CSNK1G3: variants seen among roughly 807,000 people sequenced by gnomAD.
The protein encoded by CSNK1G3 is casein kinase 1 gamma 3, also known as casein kinase I isoform gamma-3.
In CSNK1G3, 23 loss-of-function variants were observed where a neutral mutation model predicts 64.3. The observed-to-expected ratio is 0.36, with a 90% CI of 0.26 to 0.51. CSNK1G3 has a LOEUF of 0.51. CSNK1G3 is among the 20% of genes least tolerant of loss of function. The pLI is 0.96. For synonymous variants in CSNK1G3, 158 were observed against 162.2 expected (o/e 0.97, Z 0.20); for missense variants, 357 against 510.5 (o/e 0.70, Z 2.90).
At chr5:123,529,372 C>G (rs1779564742) in intron 1 of CSNK1G3, among the ~76,000 whole-genome samples, 1 of 152,096 alleles carries the variant, frequency 6.6e-6, no homozygotes. Flanking sequence ...AATAAATCAG[C>G]TGTTTTTTTG....
rs572556911 is a variant in CSNK1G3 at position 123,551,490 on chromosome 5, C to T, written c.179-1617C>T. Among the ~76,000 whole-genome samples, 69 of 152,230 alleles carry T rather than the reference C, an allele frequency of 4.5e-4. No individual in the cohort carries two copies. In the South Asian group the frequency reaches 6.2e-3, roughly 14 times the overall value. ...TGCCAACTGTATTGAGTTTATGACACCTATGTTACTTAGCGTTAATATGAA... is the reference window on the plus strand; with the variant it reads ...TGCCAACTGTATTGAGTTTATGACATCTATGTTACTTAGCGTTAATATGAA... On this transcript the variant is annotated intron_variant, in intron 2 of 12. Coordinates refer to ENST00000345990, the Ensembl canonical transcript of CSNK1G3.
intron 1 of CSNK1G3, among the ~76,000 whole-genome samples, chr5:123,534,050 T>C (rs932900975): frequency 4.6e-5 from 7 of 151,978 alleles, no homozygotes; most frequent in African/African-American, 1.7e-4. Flanking sequence ...TGTTTAGAGA[T>C]AGAAAGAACT....
At chr5:123,568,869 C>G (rs116586562) in intron 4 of CSNK1G3, among the ~76,000 whole-genome samples, 1 of 152,108 alleles carries the variant, frequency 6.6e-6, no homozygotes, top group Non-Finnish European at 1.5e-5. Context: ...AACATCATTT[C>G]CATAGTCTAA....
intron 1 of CSNK1G3, among the ~76,000 whole-genome samples, chr5:123,522,855 T>C (rs1778370296): frequency 1.3e-5 from 2 of 152,172 alleles, no homozygotes. Context: ...TTAGCAGTCT[T>C]TGATTAAGTA....
intron 6 of CSNK1G3, among the ~76,000 whole-genome samples, chr5:123,585,638 T>G (rs2150910697): frequency 6.6e-6 from 1 of 152,336 alleles, no homozygotes; most frequent in Admixed American, 6.5e-5. Context: ...ACAATCCAAT[T>G]TTTTAAACAG....
chr5:123,524,364 G>T (rs1309518736), intron 1 of CSNK1G3, among the ~76,000 whole-genome samples: 2 of 152,124 alleles, frequency 1.3e-5, no homozygotes, highest in African/African-American at 4.8e-5. Flanking sequence ...TAGTCCTTGG[G>T]GTTACATAAT....
Position 123,605,221 on chromosome 5 carries a change from A to G in CSNK1G3, c.1194-118A>G, listed in dbSNP as rs930301410. On this transcript the variant is annotated intron_variant, in intron 11 of 12. Transcript: ENST00000345990. Reference sequence around the variant, plus strand: ...GTTTTTTCAAAACATAAATTATAACAACATTGCTTGGAAAAAATTAAGCAT... The same window carrying G: ...GTTTTTTCAAAACATAAATTATAACGACATTGCTTGGAAAAAATTAAGCAT... 2.0e-5 allele frequency: 17 copies of G among 858,926 alleles called. No individual in the cohort carries two copies. The South Asian group carries it at 2.9e-4, about 15-fold the overall frequency. 53.2% of individuals were successfully genotyped at this position (858,926 alleles called of 1,614,324 possible). A position where few individuals can be genotyped will look rare whatever the true frequency, so the allele number is the denominator to read the frequency against.
At chr5:123,520,874 GT>G (rs546566937) in intron 1 of CSNK1G3, among the ~76,000 whole-genome samples, 2,554 of 145,998 alleles carry the variant, frequency 0.017, 38 homozygotes, top group Non-Finnish European at 0.027. Context: ...AAGTGAAAAT[GT>G]TTTTTTTCTT....
chr5:123,540,792 C>G (rs1176213203), intron 1 of CSNK1G3, among the ~76,000 whole-genome samples: 4 of 152,104 alleles, frequency 2.6e-5, no homozygotes. Context: ...GCCACCACGT[C>G]TGGCTAATTT....
chr5:123,594,528 TAGAATC>T, intron 10 of CSNK1G3, among the ~76,000 whole-genome samples: 1 of 152,326 alleles, frequency 6.6e-6, no homozygotes, highest in South Asian at 2.1e-4. Context: ...ATATTATCCT[TAGAATC>T]AGAAATGGGG....
intron 1 of CSNK1G3, among the ~76,000 whole-genome samples, chr5:123,543,445 G>GT (rs1172533326): frequency 6.6e-6 from 1 of 151,970 alleles, no homozygotes; most frequent in Non-Finnish European, 1.5e-5. Context: ...TTTCTGTTCG[G>GT]TTTTTTTAGA....
chr5:123,612,667 A>G (rs1796543149), intron 12 of CSNK1G3, among the ~76,000 whole-genome samples: 1 of 151,922 alleles, frequency 6.6e-6, no homozygotes, highest in Non-Finnish European at 1.5e-5. Flanking sequence ...TAGTAGAGAC[A>G]GGGTTTTACC....
chr5:123,559,765 C>T (rs1402637672), intron 4 of CSNK1G3, among the ~76,000 whole-genome samples: 1 of 146,342 alleles, frequency 6.8e-6, no homozygotes, highest in African/African-American at 2.5e-5. Flanking sequence ...CCTTTGTGAG[C>T]TTTGTAGAAA....
At chr5:123,545,563 A>G in exon 2 of CSNK1G3, 1 of 886,844 alleles carries the variant, frequency 1.1e-6, no homozygotes, top group Non-Finnish European at 1.7e-6. Flanking sequence ...AACATTACCC[A>G]TCTGGTACAG....
At chr5:123,570,986 A>G (rs1787983733) in intron 4 of CSNK1G3, among the ~76,000 whole-genome samples, 1 of 152,218 alleles carries the variant, frequency 6.6e-6, no homozygotes, top group African/African-American at 2.4e-5. Flanking sequence ...TTAGAGTTGG[A>G]ATAAACTTAA....
At chr5:123,536,758 A>C (rs1329339331) in intron 1 of CSNK1G3, among the ~76,000 whole-genome samples, 1 of 152,128 alleles carries the variant, frequency 6.6e-6, no homozygotes, top group East Asian at 1.9e-4. Flanking sequence ...AGAAGAAATA[A>C]TCCTATTAGT....
Position 123,604,707 on chromosome 5 carries a change from A to G in CSNK1G3, c.1087-17A>G. The G allele has an allele frequency of 6.7e-7, 1 of 1,497,252 alleles. No homozygotes were observed. Among genetic ancestry groups the G allele is most frequent in the Non-Finnish European group, 9.2e-7 (1 of 1,086,488 alleles). The allele number at this position is 1,497,252 out of a possible 1,614,324, so 92.7% of individuals were successfully genotyped here. A position where few individuals can be genotyped will look rare whatever the true frequency, so the allele number is the denominator to read the frequency against. On this transcript the variant is annotated splice_polypyrimidine_tract_variant and intron_variant, in intron 10 of 12. Transcript: ENST00000345990. ...GTGTGTACATATACATATATAAAAA[A>G]TTTTTTTTTCAAACAGGTTGTAAGT... is the stretch of plus-strand genomic sequence containing the variant.
intron 10 of CSNK1G3, among the ~76,000 whole-genome samples, chr5:123,599,403 G>T (rs1794040730): frequency 3.3e-5 from 5 of 152,150 alleles, no homozygotes; most frequent in Admixed American, 3.3e-4. Context: ...GAAAACGAAA[G>T]AATAACATTC....
At position 123,595,638 on chromosome 5, in the gene CSNK1G3, T is replaced by C. The variant is rs545246582; in HGVS notation, c.1086+4224T>C. ...ATAATACATGTTTTGTTTGTACTTA[T>C]AGAAAATATCAGATGGAAATTTTAA... On this transcript the variant is annotated intron_variant, in intron 10 of 12. Transcript: ENST00000345990. 2.4e-4 allele frequency among the ~76,000 whole-genome samples: 37 copies of C among 152,254 alleles called. No homozygotes were observed. In the East Asian group the frequency reaches 2.7e-3, roughly 11 times the overall value.
Sources: allele counts gnomAD v4.1 joint callset (sites outside exome capture counted in the v4.1 genomes callset), GRCh38; gene constraint gnomAD v4.1.1; transcripts MANE v1.5; gene names NCBI Gene and HGNC (gene_info 2026-07-23, HGNC 2026-07-21).